PDE1A: variants seen among roughly 807,000 people sequenced by gnomAD.
The protein encoded by PDE1A is dual specificity calcium/calmodulin-dependent 3',5'-cyclic nucleotide phosphodiesterase 1A.
Under a neutral mutation model 61.7 loss-of-function variants are expected in PDE1A, and 35 were observed. The observed-to-expected ratio is 0.57, with a 90% CI of 0.43 to 0.75. The LOEUF (loss-of-function observed/expected upper bound fraction) is 0.75, where lower values mean the gene tolerates loss of function less well. PDE1A is among the 30% of genes least tolerant of loss of function. PDE1A has a pLI of 0.00. For synonymous variants in PDE1A, 232 were observed against 213.2 expected (o/e 1.09, Z -0.77); for missense variants, 597 against 630.6 (o/e 0.95, Z 0.57).
At chr2:182,208,748 GATT>G (rs1687329390) in intron 7 of PDE1A, among the ~76,000 whole-genome samples, 1 of 152,208 alleles carries the variant, frequency 6.6e-6, no homozygotes, top group South Asian at 2.1e-4. Context: ...GAGTCAAAAA[GATT>G]ATTTGGGGTC....
At chr2:182,444,407 T>C (rs532874217) in intron 2 of PDE1A, among the ~76,000 whole-genome samples, 44 of 152,134 alleles carry the variant, frequency 2.9e-4, no homozygotes, top group Non-Finnish European at 5.0e-4. Context: ...GCACTTATAC[T>C]TCTTTTCATT....
intron 2 of PDE1A, among the ~76,000 whole-genome samples, chr2:182,440,723 T>TA (rs991934770): frequency 6.6e-6 from 1 of 152,106 alleles, no homozygotes; most frequent in Non-Finnish European, 1.5e-5. Context: ...ATTATGTGTT[T>TA]AAAATATTCT....
At chr2:182,541,533 G>A in the PDE1A span, among the ~76,000 whole-genome samples, 1 of 151,942 alleles carries the variant, frequency 6.6e-6, no homozygotes, top group African/African-American at 2.4e-5. Context: ...CATGTAACAT[G>A]GTGACCATGG....
At chr2:182,685,124 CACAG>C in the PDE1A span, among the ~76,000 whole-genome samples, 5 of 149,878 alleles carry the variant, frequency 3.3e-5, no homozygotes, top group Non-Finnish European at 3.0e-5. Context: ...TACACACACA[CACAG>C]AGAGAGAGAG....
intron 2 of PDE1A, among the ~76,000 whole-genome samples, chr2:182,490,643 G>A (rs1278225161): frequency 6.6e-6 from 1 of 152,186 alleles, no homozygotes. Flanking sequence ...AAAGTGCTGG[G>A]ATTACAGGCG....
intron 2 of PDE1A, among the ~76,000 whole-genome samples, chr2:182,511,057 G>A (rs956810564): frequency 3.3e-4 from 50 of 152,214 alleles, no homozygotes; most frequent in Middle Eastern, 3.4e-3. Context: ...AGGAATTCTT[G>A]AATTCTGGAT....
chr2:182,649,021 A>G, the PDE1A span, among the ~76,000 whole-genome samples: 2 of 152,314 alleles, frequency 1.3e-5, no homozygotes, highest in East Asian at 3.9e-4. Flanking sequence ...AAACACAGCA[A>G]TGGGAATGTA....
the PDE1A span, among the ~76,000 whole-genome samples, chr2:182,565,952 A>G: frequency 6.6e-6 from 1 of 152,198 alleles, no homozygotes; most frequent in Non-Finnish European, 1.5e-5. Context: ...TAAGAAAAAG[A>G]AGAAAGAGAC....
chr2:182,707,396 T>G, the PDE1A span, among the ~76,000 whole-genome samples: 25 of 152,210 alleles, frequency 1.6e-4, no homozygotes, highest in Middle Eastern at 3.4e-3. Context: ...AGTCAATAGT[T>G]TGATTAAGAA....
intron 2 of PDE1A, among the ~76,000 whole-genome samples, chr2:182,488,201 G>T (rs1224528348): frequency 6.6e-6 from 1 of 151,950 alleles, no homozygotes; most frequent in Non-Finnish European, 1.5e-5. Flanking sequence ...TTATAACTAG[G>T]GTACAATTCA....
At chr2:182,647,321 C>G in the PDE1A span, among the ~76,000 whole-genome samples, 2 of 152,298 alleles carry the variant, frequency 1.3e-5, no homozygotes, top group South Asian at 2.1e-4. Context: ...GATGGATCAG[C>G]AGTTTTCAAG....
At chr2:182,245,894 C>A (rs760628378) in intron 2 of PDE1A, among the ~76,000 whole-genome samples, 1 of 152,124 alleles carries the variant, frequency 6.6e-6, no homozygotes, top group African/African-American at 2.4e-5. Context: ...TTTGCAAAAA[C>A]TGCTAAACTT....
At chr2:182,422,010 T>A (rs1703307664) in intron 1 of PDE1A, among the ~76,000 whole-genome samples, 2 of 152,208 alleles carry the variant, frequency 1.3e-5, no homozygotes, top group South Asian at 4.1e-4. Context: ...CTTGCGAAAA[T>A]AAAGCTTCTG....
At chr2:182,573,627 T>C in the PDE1A span, among the ~76,000 whole-genome samples, 1 of 151,940 alleles carries the variant, frequency 6.6e-6, no homozygotes, top group African/African-American at 2.4e-5. Flanking sequence ...TAGTGAGGAA[T>C]ATACGACATT....
intron 13 of PDE1A, among the ~76,000 whole-genome samples, chr2:182,180,275 A>G (rs368019360): frequency 9.2e-5 from 14 of 152,338 alleles, no homozygotes; most frequent in African/African-American, 3.4e-4. Context: ...AATCATAATC[A>G]TAATGATAAA....
rs183606685 is a variant in PDE1A, at chr2:182,310,339, C to T, written c.54-45925G>A. Reference sequence around the variant, plus strand: ...AGAACAAGATAGGCAAAGGAAATAACTATTCCTTCAGGGGGCTATGGAGGA... The same window carrying T: ...AGAACAAGATAGGCAAAGGAAATAATTATTCCTTCAGGGGGCTATGGAGGA... On this transcript the variant is annotated intron_variant, in intron 1 of 13. Transcript: ENST00000351439. 6.0e-3 allele frequency among the ~76,000 whole-genome samples: 914 copies of T among 152,208 alleles called. 4 individuals carry two copies. The highest frequency in any genetic ancestry group is 0.017 in the South Asian group (84 of 4,824).
chr2:182,689,096 A>G, the PDE1A span, among the ~76,000 whole-genome samples: 2 of 152,196 alleles, frequency 1.3e-5, no homozygotes, highest in South Asian at 2.1e-4. Flanking sequence ...TTAACACCAC[A>G]CTGTCAACAT....
chr2:182,171,185 G>A (rs556500573), intron 13 of PDE1A, among the ~76,000 whole-genome samples: 9 of 151,966 alleles, frequency 5.9e-5, no homozygotes, highest in Admixed American at 3.9e-4. Context: ...TCAGTAACTC[G>A]TGATATTTTC....
chr2:182,540,565 T>C, the PDE1A span, among the ~76,000 whole-genome samples: 1 of 152,156 alleles, frequency 6.6e-6, no homozygotes, highest in Middle Eastern at 3.2e-3. Flanking sequence ...TAACTACTTC[T>C]TAAAACAAAT....
Sources: allele counts gnomAD v4.1 joint callset (sites outside exome capture counted in the v4.1 genomes callset), GRCh38; gene constraint gnomAD v4.1.1; transcripts MANE v1.5; gene names NCBI Gene and HGNC (gene_info 2026-07-23, HGNC 2026-07-21).